TTC7A: variants seen among roughly 807,000 people sequenced by gnomAD.
TTC7A encodes tetratricopeptide repeat protein 7A.
Under a neutral mutation model 103.7 loss-of-function variants are expected in TTC7A, and 110 were observed. That is an observed-to-expected ratio of 1.06 (90% CI 0.91 to 1.24). The LOEUF (loss-of-function observed/expected upper bound fraction) is 1.24. Among genes scored for constraint, TTC7A ranks in the 50% most tolerant of loss-of-function variants. TTC7A has a pLI of 0.00. For synonymous variants in TTC7A, 521 were observed against 467.9 expected, an observed-to-expected ratio of 1.11 and a Z score of -1.47; for missense variants, 1,340 against 1,116.3, an observed-to-expected ratio of 1.20 and a Z score of -2.86.
At chr2:47,055,814 G>C (rs1300592174) in intron 18 of TTC7A, among the ~76,000 whole-genome samples, 1 of 152,118 alleles carries the variant, frequency 6.6e-6, no homozygotes, top group Non-Finnish European at 1.5e-5. Context: ...GGGCAGACTT[G>C]GGGGGCTGGG....
intron 5 of TTC7A, among the ~76,000 whole-genome samples, chr2:46,991,343 A>G (rs1174456107): frequency 6.6e-6 from 1 of 151,142 alleles, no homozygotes; most frequent in African/African-American, 2.4e-5. Flanking sequence ...CTGAATTATC[A>G]TTTCTGGCCA....
At chr2:46,952,428 T>C (rs550858565) in intron 2 of TTC7A, among the ~76,000 whole-genome samples, 10 of 152,304 alleles carry the variant, frequency 6.6e-5, no homozygotes, top group Non-Finnish European at 1.5e-4. Context: ...ATTGTAAAAA[T>C]TCCAGTCAAC....
At chr2:47,064,993 G>T (rs1684069809) in intron 19 of TTC7A, among the ~76,000 whole-genome samples, 1 of 152,234 alleles carries the variant, frequency 6.6e-6, no homozygotes, top group African/African-American at 2.4e-5. Context: ...AAAGCTTAAA[G>T]AAGTAGCTTA....
Position 47,034,214 on chromosome 2 carries a change from T to G in TTC7A, c.1802+4830T>G, listed in dbSNP as rs371003738. 3.9e-5 allele frequency: 6 copies of G among 152,370 alleles called. No homozygotes were observed. The South Asian group carries it at 1.0e-3, about 26-fold the overall frequency. 9.4% of individuals were successfully genotyped at this position (152,370 alleles called of 1,614,324 possible). A position where few individuals can be genotyped will look rare whatever the true frequency, so the allele number is the denominator to read the frequency against. ...AGCTTCCTGAAATCCTGTGGGCTTC[T>G]GACTAAGCCCTGGACACATGTGCCA... On this transcript the variant is annotated intron_variant, in intron 15 of 19. Coordinates refer to ENST00000319190, the MANE Select transcript of TTC7A (RefSeq NM_020458.4).
intron 19 of TTC7A, among the ~76,000 whole-genome samples, chr2:47,069,667 C>T (rs28708409): frequency 0.04 from 6,042 of 152,316 alleles, 426 homozygotes; most frequent in African/African-American, 0.14. Flanking sequence ...TCCCTCCCTC[C>T]CGTTCCAGGT....
rs577605616 is a variant in TTC7A, at chr2:46,942,234, C to G, written c.184+509C>G. On this transcript the variant is annotated intron_variant, in intron 1 of 19. Coordinates refer to ENST00000319190, the MANE Select transcript of TTC7A (RefSeq NM_020458.4). The stretch of plus-strand genomic sequence containing the variant: ...GCTTGGCCAGCCTCAGTTTCCTCAT[C>G]TGTGGCGATCTCGGGACACATCCAG... Among the ~76,000 whole-genome samples, 12 of 152,306 alleles carry G rather than the reference C, an allele frequency of 7.9e-5. No homozygotes were observed. The East Asian group carries it at 1.5e-3, about 20-fold the overall frequency.
At chr2:46,922,857 C>T (rs1669178055) in intron 2 of TTC7A, among the ~76,000 whole-genome samples, 1 of 152,188 alleles carries the variant, frequency 6.6e-6, no homozygotes, top group African/African-American at 2.4e-5. Flanking sequence ...TCAGAAACCG[C>T]AGGTTGAGGG....
At position 47,074,488 on chromosome 2, in the gene TTC7A, G is replaced by A. The variant is rs747011265; in HGVS notation, c.*565G>A. 1 of 154,862 alleles carries A rather than the reference G, an allele frequency of 6.5e-6. No homozygotes were observed. Among genetic ancestry groups the A allele is most frequent in the Non-Finnish European group, 1.4e-5 (1 of 69,696 alleles). 9.6% of individuals were successfully genotyped at this position (154,862 alleles called of 1,614,324 possible). On this transcript the variant is annotated 3_prime_UTR_variant, in exon 20 of 20. Coordinates refer to ENST00000319190, the MANE Select transcript of TTC7A (RefSeq NM_020458.4). ...TTCCCCCTGCTACCAAGTGCCTTTG[G>A]GGTCTGACCAGGGGTACTGAGCACC...
chr2:46,936,887 C>T (rs1291997644), upstream of TTC7A, among the ~76,000 whole-genome samples: 3 of 147,854 alleles, frequency 2.0e-5, no homozygotes, highest in African/African-American at 7.5e-5. Context: ...GAGATAGGCT[C>T]TCTGTCACCC....
At chr2:47,043,802 G>C (rs747294014) in intron 15 of TTC7A, among the ~76,000 whole-genome samples, 1 of 152,148 alleles carries the variant, frequency 6.6e-6, no homozygotes, top group Non-Finnish European at 1.5e-5. Flanking sequence ...CATGCTAATG[G>C]AATGTCAGCA....
At chr2:46,996,024 A>G (rs1279363246) in intron 8 of TTC7A, among the ~76,000 whole-genome samples, 1 of 152,268 alleles carries the variant, frequency 6.6e-6, no homozygotes, top group African/African-American at 2.4e-5. Flanking sequence ...GGGCAGGAAG[A>G]TGAGGCAAAC....
chr2:47,059,975 G>A (rs1683632415), intron 18 of TTC7A, among the ~76,000 whole-genome samples: 1 of 151,864 alleles, frequency 6.6e-6, no homozygotes, highest in Non-Finnish European at 1.5e-5. Context: ...TGGGCAACAT[G>A]GCGAAACCCC....
At chr2:47,033,050 T>C (rs1680736888) in intron 15 of TTC7A, among the ~76,000 whole-genome samples, 1 of 152,016 alleles carries the variant, frequency 6.6e-6, no homozygotes, top group South Asian at 2.1e-4. Flanking sequence ...CCTCAGAGCA[T>C]AGAAACCCAT....
rs1024439703 is a variant in TTC7A at position 47,075,423 on chromosome 2, T to G, written c.*1500T>G. 2.0e-5 allele frequency: 3 copies of G among 152,232 alleles called. No homozygotes were observed. Among genetic ancestry groups the G allele is most frequent in the Non-Finnish European group, 2.9e-5 (2 of 68,040 alleles). The allele number at this position is 152,232 out of a possible 1,614,324, so 9.4% of individuals were successfully genotyped here. A position where few individuals can be genotyped will look rare whatever the true frequency, so the allele number is the denominator to read the frequency against. ...GTGCCCAAAGTGGTTATAGTCAATT[T>G]TTGGTACTAGGAAAGGCACCCAATG... On this transcript the variant is annotated 3_prime_UTR_variant, in exon 20 of 20. Coordinates refer to ENST00000319190, the MANE Select transcript of TTC7A (RefSeq NM_020458.4).
At chr2:47,069,272 T>G (rs1378158797) in intron 19 of TTC7A, among the ~76,000 whole-genome samples, 2 of 152,136 alleles carry the variant, frequency 1.3e-5, no homozygotes, top group East Asian at 3.9e-4. Flanking sequence ...TCCCCCAGGA[T>G]GTGACCCATC....
chr2:46,969,217 A>G (rs1345164879), intron 3 of TTC7A, among the ~76,000 whole-genome samples: 1 of 151,046 alleles, frequency 6.6e-6, no homozygotes, highest in African/African-American at 2.4e-5. Flanking sequence ...TAAAAAAAAA[A>G]TCTGGGCCGG....
In TTC7A at chr2:47,046,390, G is replaced by A. The variant is rs1682321628; in HGVS notation, c.1878G>A (p.Val626=). 1 of 1,614,228 alleles carries A rather than the reference G, an allele frequency of 6.2e-7. No homozygotes were observed. Among genetic ancestry groups the A allele is most frequent in the Non-Finnish European group, 8.5e-7 (1 of 1,180,034 alleles). ...AAGCCCTCGTGACCTGCAGACAAGTGCTGAGGCTGTGGCAGACCCTGTACA... is the reference window on the plus strand; with the variant it reads ...AAGCCCTCGTGACCTGCAGACAAGTACTGAGGCTGTGGCAGACCCTGTACA... ...PEEALVTCRQ[V]LRLWQTLYSF... is the part of the protein sequence containing the mutation. The change falls in exon 16 of 20, where the codon GTG becomes GTA. Residue 626 remains valine, a synonymous_variant. Coordinates refer to ENST00000319190, the MANE Select transcript of TTC7A (RefSeq NM_020458.4).
Position 47,051,768 on chromosome 2 carries a change from C to T in TTC7A, c.2040C>T (p.Ile680=), listed in dbSNP as rs374954899. 3.7e-6 allele frequency: 6 copies of T among 1,610,578 alleles called. No individual in the cohort carries two copies. The highest frequency in any genetic ancestry group is 2.2e-5 in the East Asian group (1 of 44,878). ...CAGGCTCCCGGCGGGCTTCGTCCAT[C>T]GCCGCCTCCCGGCTGGAGGAGGCCA... The part of the protein sequence containing the change: ...ADSGSRRASS[I]AASRLEEAMS... Residue 680 remains isoleucine (I), a synonymous_variant, in exon 18 of 20, where the codon ATC becomes ATT. Transcript: ENST00000319190.
chr2:46,927,417 C>T (rs1003718285), intron 2 of TTC7A, among the ~76,000 whole-genome samples: 11 of 143,354 alleles, frequency 7.7e-5, no homozygotes, highest in African/African-American at 2.6e-4. Flanking sequence ...AGTGCAGTGG[C>T]GTGATCTCGG....
Sources: allele counts gnomAD v4.1 joint callset (sites outside exome capture counted in the v4.1 genomes callset), GRCh38; gene constraint gnomAD v4.1.1; transcripts MANE v1.5; gene names NCBI Gene and HGNC (gene_info 2026-07-23, HGNC 2026-07-21).